ADAMTS19: variants seen among roughly 807,000 people sequenced by gnomAD.
ADAMTS19 encodes A disintegrin and metalloproteinase with thrombospondin motifs 19.
Under a neutral mutation model 153.3 loss-of-function variants are expected in ADAMTS19, and 93 were observed. The ratio of observed to expected loss-of-function variants is 0.61; its 90% CI spans 0.51 to 0.72. ADAMTS19 has a LOEUF of 0.72. Among genes scored for constraint, ADAMTS19 ranks in the 30% least tolerant of loss-of-function variants. The pLI, the probability that ADAMTS19 is intolerant of heterozygous loss-of-function variation, is 0.00. For missense variants in ADAMTS19, 1,482 were observed against 1,552.1 expected, an observed-to-expected ratio of 0.95 and a Z score of 0.76; for synonymous variants, 600 against 556.6, an observed-to-expected ratio of 1.08 and a Z score of -1.10.
Position 129,461,262 on chromosome 5 carries a change from C to G in ADAMTS19, c.252C>G (p.Gly84=). ...GGGSARAQAA[G]SSREVRSVAP... Reference sequence around the variant, plus strand: ...GAAGCGCCCGGGCGCAGGCTGCCGGCAGCTCACGCGAGGTGCGCTCTGTGG... The same window carrying G: ...GAAGCGCCCGGGCGCAGGCTGCCGGGAGCTCACGCGAGGTGCGCTCTGTGG... Residue 84 remains glycine, a synonymous_variant, in exon 2 of 23, where the codon GGC becomes GGG. Transcript: ENST00000274487. This position sits in a 1 kb window ranked among gnomAD's most constrained non-coding sequence, Gnocchi z 4.6. 7.9e-7 allele frequency: 1 copy of G among 1,264,404 alleles called. No homozygotes were observed. The highest frequency in any genetic ancestry group is 3.3e-5 in the South Asian group (1 of 30,144). The allele number at this position is 1,264,404 out of a possible 1,614,324, so 78.3% of individuals were successfully genotyped here.
chr5:129,461,137 G>C lies in ADAMTS19; in HGVS notation c.127G>C (p.Val43Leu). The change falls in exon 2 of 23, where the codon GTC (valine) becomes CTC (leucine). Residue 43 changes from valine to leucine, a missense_variant. Coordinates refer to ENST00000274487, the MANE Select transcript of ADAMTS19 (RefSeq NM_133638.6). The surrounding 1 kb of genome is among the most constrained non-coding windows in gnomAD (Gnocchi z 4.6). ...CGCCCCCGACCGCGAGGAGTGGGAA[G>C]TCGTGTTTCCTGCGCTCTGGCGCCG... ...QFAPDREEWE[V>L]VFPALWRREP... 2.1e-6 allele frequency: 3 copies of C among 1,424,162 alleles called. No individual in the cohort carries two copies. Among genetic ancestry groups the C allele is most frequent in the Non-Finnish European group, 2.8e-6 (3 of 1,085,958 alleles). The allele number at this position is 1,424,162 out of a possible 1,614,324, so 88.2% of individuals were successfully genotyped here. A position where few individuals can be genotyped will look rare whatever the true frequency, so the allele number is the denominator to read the frequency against.
chr5:129,584,116 T>C (rs1041194314), intron 7 of ADAMTS19, among the ~76,000 whole-genome samples: 1 of 152,150 alleles, frequency 6.6e-6, no homozygotes, highest in African/African-American at 2.4e-5. Context: ...TGCTAATCCT[T>C]TCTGTTTGTT....
chr5:129,522,401 T>G (rs1430677243), intron 3 of ADAMTS19, among the ~76,000 whole-genome samples: 3 of 138,844 alleles, frequency 2.2e-5, no homozygotes, highest in Non-Finnish European at 3.1e-5. Context: ...CTGCTGGTAC[T>G]GAATCTGGAT....
intron 7 of ADAMTS19, among the ~76,000 whole-genome samples, chr5:129,569,026 C>T (rs988750253): frequency 1.3e-5 from 2 of 151,862 alleles, no homozygotes; most frequent in African/African-American, 4.8e-5. Flanking sequence ...AGGAGTTCTT[C>T]AGAACTGATT....
chr5:129,622,472 T>C (rs902213423), intron 10 of ADAMTS19, 124 bp downstream of exon 10: 9 of 1,118,298 alleles, frequency 8.0e-6, no homozygotes, highest in Admixed American at 3.3e-5. Context: ...AAGAAGGATT[T>C]TCTAAGAAAA....
At chr5:129,550,471 T>C (rs1022431533) in intron 6 of ADAMTS19, among the ~76,000 whole-genome samples, 1 of 145,868 alleles carries the variant, frequency 6.9e-6, no homozygotes, top group Admixed American at 7.0e-5. Flanking sequence ...CATGTATCTG[T>C]ATATGTATGT....
chr5:129,640,117 C>T (rs911489394), intron 10 of ADAMTS19, among the ~76,000 whole-genome samples: 5 of 151,982 alleles, frequency 3.3e-5, no homozygotes, highest in Admixed American at 6.6e-5. Context: ...ATTTGTGTGA[C>T]ATATTTTGAA....
chr5:129,539,575 T>C (rs1752584261), intron 6 of ADAMTS19, among the ~76,000 whole-genome samples: 1 of 152,102 alleles, frequency 6.6e-6, no homozygotes, highest in African/African-American at 2.4e-5. Flanking sequence ...TGCATTCCTA[T>C]ATCGGTCTGC....
chr5:129,624,153 A>T (rs1014313755), intron 10 of ADAMTS19, among the ~76,000 whole-genome samples: 7 of 146,600 alleles, frequency 4.8e-5, no homozygotes, highest in Non-Finnish European at 6.0e-5. Flanking sequence ...AAAAAAAAAA[A>T]GGCTGTACGG....
chr5:129,517,585 T>A (rs1489136513), intron 3 of ADAMTS19, among the ~76,000 whole-genome samples: 1 of 152,002 alleles, frequency 6.6e-6, no homozygotes, highest in East Asian at 1.9e-4. Flanking sequence ...CTATTTTGTC[T>A]GATATAAATA....
At position 129,737,020 on chromosome 5, in the gene ADAMTS19, A is replaced by T. The variant is rs764888792; in HGVS notation, c.3491-47A>T. On this transcript the variant is annotated intron_variant, in intron 22 of 22. Transcript: ENST00000274487. Reference sequence around the variant, plus strand: ...ACGCTTGAAGTTGGTTTTTACTGACATATATGATATCTGCATGGAGTGAAT... The same window carrying T: ...ACGCTTGAAGTTGGTTTTTACTGACTTATATGATATCTGCATGGAGTGAAT... 1.4e-5 allele frequency: 21 copies of T among 1,491,236 alleles called. No homozygotes were observed. The South Asian group carries it at 2.9e-4, about 20-fold the overall frequency. 92.4% of individuals were successfully genotyped at this position (1,491,236 alleles called of 1,614,324 possible).
chr5:129,600,321 T>C (rs1481388646), intron 8 of ADAMTS19, among the ~76,000 whole-genome samples: 1 of 152,138 alleles, frequency 6.6e-6, no homozygotes. Flanking sequence ...CGTTTTGGAT[T>C]TCCTTCTTTC....
intron 10 of ADAMTS19, 49 bp downstream of exon 10, chr5:129,622,397 A>G (rs1320610608): frequency 6.3e-7 from 1 of 1,598,266 alleles, no homozygotes; most frequent in Non-Finnish European, 8.6e-7. Flanking sequence ...GTTTAGAAGT[A>G]TTGATTGGTA....
At chr5:129,695,385 C>G (rs1755507475) in intron 19 of ADAMTS19, among the ~76,000 whole-genome samples, 1 of 152,108 alleles carries the variant, frequency 6.6e-6, no homozygotes, top group Admixed American at 6.5e-5. Context: ...AGTTACTGTA[C>G]CACAGATGCT....
At chr5:129,623,779 A>T (rs1252922580) in intron 10 of ADAMTS19, among the ~76,000 whole-genome samples, 3 of 152,042 alleles carry the variant, frequency 2.0e-5, no homozygotes, top group Non-Finnish European at 4.4e-5. Context: ...ATTTAGAATT[A>T]AAATGAGTGA....
intron 7 of ADAMTS19, among the ~76,000 whole-genome samples, chr5:129,567,005 CGA>C (rs1156657512): frequency 6.6e-6 from 1 of 151,836 alleles, no homozygotes; most frequent in Non-Finnish European, 1.5e-5. Context: ...GTGGAAGGTG[CGA>C]AAAAGAGCAT....
At chr5:129,716,577 T>C (rs1454060971) in intron 21 of ADAMTS19, among the ~76,000 whole-genome samples, 2 of 147,526 alleles carry the variant, frequency 1.4e-5, no homozygotes, top group South Asian at 2.1e-4. Flanking sequence ...CAGTTTCTTT[T>C]TTTTTTTTTT....
chr5:129,617,610 T>C (rs1336944539), intron 8 of ADAMTS19, among the ~76,000 whole-genome samples: 2 of 152,050 alleles, frequency 1.3e-5, no homozygotes, highest in Non-Finnish European at 2.9e-5. Context: ...TGTTTGTTAA[T>C]TAACAGGTCA....
intron 16 of ADAMTS19, among the ~76,000 whole-genome samples, chr5:129,672,248 T>C (rs1754333689): frequency 1.3e-5 from 2 of 151,986 alleles, no homozygotes; most frequent in African/African-American, 4.8e-5. Context: ...CTAATCCTAA[T>C]TACCTCCCGA....
Sources: gnomAD v4.1 joint callset for allele counts (sites outside exome capture counted in the v4.1 genomes callset) on GRCh38, gnomAD v4.1.1 for gene constraint, Gnocchi (gnomAD v3.1) non-coding constraint, MANE v1.5 for transcripts, NCBI Gene and HGNC (gene_info 2026-07-23, HGNC 2026-07-21) for gene names.